ABCC12: variants seen among roughly 807,000 people sequenced by gnomAD.
ABCC12 encodes the protein ATP-binding cassette sub-family C member 12.
A neutral mutation model predicts 151.1 loss-of-function variants in ABCC12; 142 were observed. The observed-to-expected ratio is 0.94, with a 90% confidence interval of 0.82 to 1.08. The LOEUF is 1.08. ABCC12 is among the 50% of genes least tolerant of loss of function. The pLI, the probability that ABCC12 is intolerant of heterozygous loss-of-function variation, is 0.00. For missense variants in ABCC12, 1,638 were observed against 1,691.1 expected, an observed-to-expected ratio of 0.97 and a Z score of 0.55; for synonymous variants, 645 against 646.4, an observed-to-expected ratio of 1.00 and a Z score of 0.03.
At chr16:48,087,764 G>A in intron 27 of ABCC12, 162 bp downstream of exon 27, 1 of 690,266 alleles carries the variant, frequency 1.4e-6, no homozygotes, top group Non-Finnish European at 2.4e-6. Context: ...AAGGCTGGAT[G>A]CAGAAACAGG....
chr16:48,152,331 G>A (rs1450651092), intron 2 of ABCC12, among the ~76,000 whole-genome samples: 2 of 152,154 alleles, frequency 1.3e-5, no homozygotes, highest in Non-Finnish European at 1.5e-5. Context: ...ACCCAGCCCT[G>A]GTCTGGATCG....
intron 6 of ABCC12, 127 bp from the exon 7 acceptor site, chr16:48,139,463 G>C: frequency 2.0e-6 from 2 of 985,806 alleles, no homozygotes; most frequent in Non-Finnish European, 1.5e-6. Flanking sequence ...AGCAGGAAGG[G>C]GTCACCGGGG....
chr16:48,143,151 G>T (rs8049005), intron 4 of ABCC12, among the ~76,000 whole-genome samples: 14,794 of 152,252 alleles, frequency 0.097, 820 homozygotes, highest in African/African-American at 0.16. Context: ...CAATAATGAT[G>T]TTTAAAGTAA....
chr16:48,146,609 T>A (rs1965012642), intron 2 of ABCC12, 135 bp from the exon 3 acceptor site: 1 of 581,190 alleles, frequency 1.7e-6, no homozygotes, highest in Admixed American at 3.0e-5. Flanking sequence ...TTTCCACATT[T>A]GTAGGGGAGT....
Position 48,104,110 on chromosome 16 carries a change from C to T in ABCC12, c.2900+32G>A, listed in dbSNP as rs760809831. ...ATACCCAGTCAGTGTGTGTGTGTATCGTTTTCTCGTGTAAATAGCACATGG... is the reference window on the plus strand; with the variant it reads ...ATACCCAGTCAGTGTGTGTGTGTATTGTTTTCTCGTGTAAATAGCACATGG... On this transcript the variant is annotated intron_variant, in intron 22 of 30. Transcript: ENST00000311303. The T allele has an allele frequency of 3.4e-5, 55 of 1,596,268 alleles. No individual in the cohort carries two copies. In the Admixed American group the frequency reaches 5.7e-4, roughly 17 times the overall value.
chr16:48,136,545 G>C (rs1964616818), intron 8 of ABCC12, among the ~76,000 whole-genome samples: 1 of 152,106 alleles, frequency 6.6e-6, no homozygotes. Context: ...GAGTGAACAG[G>C]GTCTCGGCCC....
chr16:48,105,105 T>C (rs1963442178), intron 21 of ABCC12, 34 bp downstream of exon 21: 3 of 1,612,510 alleles, frequency 1.9e-6, no homozygotes, highest in East Asian at 2.2e-5. Flanking sequence ...GTTGACTGAA[T>C]AACTGGGTAC....
At position 48,146,387 on chromosome 16, in the gene ABCC12, T is replaced by G; in HGVS notation, c.38A>C (p.Asp13Ala). The change falls in exon 3 of 31, where the codon GAC becomes GCC. Residue 13 changes from aspartate (D) to alanine (A), a missense_variant. Coordinates refer to ENST00000311303, the MANE Select transcript of ABCC12 (RefSeq NM_001393797.1). ...GEGPYLISDL[D>A]QRGRRRSFAE... The stretch of plus-strand genomic sequence containing the variant: ...AAAGGATCTCCGCCGGCCTCGCTGG[T>G]CCAGATCTGAGATAAGGTAGGGTCC... The G allele has an allele frequency of 6.2e-7, 1 of 1,614,164 alleles. No homozygotes were observed. Among genetic ancestry groups the G allele is most frequent in the East Asian group, 2.2e-5 (1 of 44,878 alleles).
chr16:48,108,530 C>T lies in ABCC12; in HGVS notation c.2282-1G>A. The T allele has an allele frequency of 6.2e-7, 1 of 1,613,708 alleles. No individual in the cohort carries two copies. The highest frequency in any genetic ancestry group is 1.1e-5 in the South Asian group (1 of 90,920). Reference sequence around the variant, plus strand: ...GTCTGGATGAGCTGGTGCTCAGGAACTGTGGAGACAAACACAAGTGCCATG... The same window carrying T: ...GTCTGGATGAGCTGGTGCTCAGGAATTGTGGAGACAAACACAAGTGCCATG... On this transcript the variant is annotated splice_acceptor_variant, in intron 18 of 30. Transcript: ENST00000311303. LOFTEE classifies it high-confidence loss of function.
chr16:48,117,052 A>C (rs919350232), intron 14 of ABCC12, among the ~76,000 whole-genome samples: 1 of 152,220 alleles, frequency 6.6e-6, no homozygotes, highest in Non-Finnish European at 1.5e-5. Flanking sequence ...CACTGTGCCA[A>C]ACACCAGTAA....
intron 28 of ABCC12, chr16:48,086,530 G>A: frequency 1.8e-6 from 1 of 541,534 alleles, no homozygotes; most frequent in Non-Finnish European, 3.3e-6. Context: ...GATGATACAT[G>A]TAGTGCTCTT....
At chr16:48,103,606 C>T (rs1239877800) in intron 22 of ABCC12, among the ~76,000 whole-genome samples, 15 of 152,164 alleles carry the variant, frequency 9.9e-5, no homozygotes. Flanking sequence ...TGATTTGCAA[C>T]CCTTTGCCCT....
Position 48,108,499 on chromosome 16 carries a change from G to T in ABCC12, c.2312C>A (p.Ser771Tyr), listed in dbSNP as rs1446720631. 1.2e-6 allele frequency: 2 copies of T among 1,614,020 alleles called. No homozygotes were observed. The highest frequency in any genetic ancestry group is 1.7e-6 in the Non-Finnish European group (2 of 1,180,024). Residue 771 changes from serine to tyrosine, a missense_variant, in exon 19 of 31, where the codon TCC becomes TAC. Transcript: ENST00000311303. ...CCAGGTCACGGTTCCTTCCTGGGGG[G>T]ATTCAGTCTGGATGAGCTGGTGCTC... The part of the protein sequence containing the change: ...VPEHQLIQTE[S>Y]PQEGTVTWKT...
chr16:48,124,131 C>G (rs960791994), intron 12 of ABCC12, 82 bp downstream of exon 12: 3 of 1,451,810 alleles, frequency 2.1e-6, no homozygotes, highest in African/African-American at 2.8e-5. Flanking sequence ...AGGCCATCTG[C>G]TGGGTCCACG....
chr16:48,143,670 C>T (rs537789234), intron 4 of ABCC12, among the ~76,000 whole-genome samples: 2 of 152,278 alleles, frequency 1.3e-5, no homozygotes, highest in African/African-American at 2.4e-5. Context: ...GATAGTAAGT[C>T]TCATGAGATC....
At chr16:48,130,677 C>A in intron 10 of ABCC12, 111 bp downstream of exon 10, 1 of 782,446 alleles carries the variant, frequency 1.3e-6, no homozygotes, top group South Asian at 1.6e-5. Flanking sequence ...CCAATGTCAA[C>A]TCAACAAGCG....
At chr16:48,108,562 A>C in intron 18 of ABCC12, 33 bp from the exon 19 acceptor site, 4 of 1,598,830 alleles carry the variant, frequency 2.5e-6, no homozygotes, top group Non-Finnish European at 3.4e-6. Context: ...CATGGCTCTC[A>C]CCACTGGGGT....
At chr16:48,091,549 C>T (rs1248269383) in intron 24 of ABCC12, among the ~76,000 whole-genome samples, 3 of 152,208 alleles carry the variant, frequency 2.0e-5, no homozygotes, top group Admixed American at 6.5e-5. Context: ...TGCTGGCTAT[C>T]GGCCCCTTGC....
At chr16:48,139,829 C>G (rs1004987855) in intron 6 of ABCC12, among the ~76,000 whole-genome samples, 6 of 152,126 alleles carry the variant, frequency 3.9e-5, no homozygotes, top group South Asian at 2.1e-4. Flanking sequence ...TGGAAGGCAC[C>G]CCTTCTTCTG....
Sources: allele counts gnomAD v4.1 joint callset (sites outside exome capture counted in the v4.1 genomes callset), GRCh38; gene constraint gnomAD v4.1.1; transcripts MANE v1.5; gene names NCBI Gene and HGNC (gene_info 2026-07-23, HGNC 2026-07-21).